Variants in SNTG1 observed in about 807,000 individuals in gnomAD.
SNTG1 encodes syntrophin gamma 1.
SNTG1 carries 39 observed loss-of-function variants against 74.7 expected under a neutral mutation model. That is an observed-to-expected ratio of 0.52 (90% confidence interval 0.40 to 0.68). The LOEUF (loss-of-function observed/expected upper bound fraction) is 0.68. Ranked by LOEUF, SNTG1 falls within the 30% of genes least tolerant of loss-of-function variation. SNTG1 has a pLI of 0.00. For synonymous variants in SNTG1, 254 were observed against 217.1 expected (o/e 1.17, Z -1.49); for missense variants, 685 against 609.5 (o/e 1.12, Z -1.30).
intron 9 of SNTG1, among the ~76,000 whole-genome samples, chr8:50,528,794 C>A: frequency 6.6e-6 from 1 of 150,914 alleles, no homozygotes; most frequent in Non-Finnish European, 1.5e-5. Flanking sequence ...TTTTCTGTCT[C>A]TTTTTTCTAA....
At chr8:50,508,531 C>T (rs2094031513) in intron 9 of SNTG1, among the ~76,000 whole-genome samples, 1 of 152,130 alleles carries the variant, frequency 6.6e-6, no homozygotes, top group Admixed American at 6.5e-5. Flanking sequence ...GTTTACAGTC[C>T]CACCAACGAT....
intron 11 of SNTG1, among the ~76,000 whole-genome samples, chr8:50,539,366 GGTGTATAT>G (rs1007236261): frequency 1.3e-5 from 2 of 152,046 alleles, no homozygotes; most frequent in Non-Finnish European, 2.9e-5. Context: ...GGACTGGGTG[GGTGTATAT>G]GTTAAGTTTC....
At chr8:50,365,782 G>A (rs1014724530) in intron 2 of SNTG1, among the ~76,000 whole-genome samples, 2 of 152,066 alleles carry the variant, frequency 1.3e-5, no homozygotes, top group Non-Finnish European at 2.9e-5. Flanking sequence ...CACAAATTAC[G>A]AGTGGTAAAG....
At chr8:50,552,872 G>T (rs943847077) in intron 11 of SNTG1, among the ~76,000 whole-genome samples, 178 bp from the exon 12 acceptor site, 4 of 152,132 alleles carry the variant, frequency 2.6e-5, no homozygotes, top group African/African-American at 9.7e-5. Flanking sequence ...TGTCATTTGG[G>T]TCTATCTTCA....
chr8:50,576,085 G>T (rs2094575170), intron 12 of SNTG1, among the ~76,000 whole-genome samples: 3 of 152,158 alleles, frequency 2.0e-5, no homozygotes, highest in African/African-American at 4.8e-5. Context: ...CTTCCAGGAT[G>T]CCAATTGCAT....
chr8:50,229,694 T>G (rs919296361), intron 2 of SNTG1, among the ~76,000 whole-genome samples: 3 of 151,436 alleles, frequency 2.0e-5, no homozygotes, highest in African/African-American at 4.8e-5. Context: ...AGGCAAAAAT[T>G]TCATTTAGTT....
At chr8:50,231,625 G>A (rs756430483) in intron 2 of SNTG1, among the ~76,000 whole-genome samples, 39 of 151,300 alleles carry the variant, frequency 2.6e-4, no homozygotes, top group Non-Finnish European at 1.9e-4. Context: ...CCAGAAACAA[G>A]AAAGACTGAT....
chr8:50,609,512 C>T (rs1313616782), intron 13 of SNTG1, among the ~76,000 whole-genome samples: 1 of 152,018 alleles, frequency 6.6e-6, no homozygotes, highest in Non-Finnish European at 1.5e-5. Context: ...CTGTACATCT[C>T]TTTGTGTTTA....
intron 1 of SNTG1, among the ~76,000 whole-genome samples, chr8:49,934,141 A>G (rs971752701): frequency 1.3e-5 from 2 of 152,054 alleles, no homozygotes; most frequent in Non-Finnish European, 2.9e-5. Context: ...ACATAAACCT[A>G]AATTTGACTG....
At chr8:50,404,190 A>T (rs2092841071) in intron 4 of SNTG1, among the ~76,000 whole-genome samples, 1 of 152,164 alleles carries the variant, frequency 6.6e-6, no homozygotes, top group Non-Finnish European at 1.5e-5. Flanking sequence ...AGTCAGAAAG[A>T]CAATACACTC....
intron 13 of SNTG1, among the ~76,000 whole-genome samples, chr8:50,594,127 G>T (rs1028159080): frequency 2.0e-5 from 3 of 152,160 alleles, no homozygotes; most frequent in African/African-American, 7.2e-5. Context: ...ACAAAACAGG[G>T]ATAACTGAAT....
chr8:50,592,813 C>T (rs1165455138), intron 13 of SNTG1, among the ~76,000 whole-genome samples: 1 of 151,982 alleles, frequency 6.6e-6, no homozygotes, highest in Non-Finnish European at 1.5e-5. Flanking sequence ...ACAAATTCAT[C>T]CTGATATTTA....
intron 2 of SNTG1, among the ~76,000 whole-genome samples, chr8:50,188,518 T>G (rs1804092577): frequency 6.6e-6 from 1 of 152,056 alleles, no homozygotes; most frequent in South Asian, 2.1e-4. Context: ...CCTCAGATAG[T>G]CATAGGGTAC....
intron 1 of SNTG1, among the ~76,000 whole-genome samples, chr8:49,952,283 A>G (rs1424534547): frequency 6.6e-6 from 1 of 152,174 alleles, no homozygotes; most frequent in African/African-American, 2.4e-5. Context: ...GAAGTGTTGT[A>G]AAGACTTTTT....
At chr8:50,081,460 T>G (rs965687686) in intron 1 of SNTG1, among the ~76,000 whole-genome samples, 16 of 152,186 alleles carry the variant, frequency 1.1e-4, no homozygotes, top group Admixed American at 9.8e-4. Flanking sequence ...AAATTTTCCA[T>G]AAAATTGAGA....
intron 1 of SNTG1, among the ~76,000 whole-genome samples, chr8:50,101,100 A>G (rs186208213): frequency 6.6e-6 from 1 of 152,264 alleles, no homozygotes; most frequent in East Asian, 1.9e-4. Flanking sequence ...GTTGCTGTGA[A>G]AAACATGATC....
intron 9 of SNTG1, 30 bp from the exon 10 acceptor site, chr8:50,530,147 A>G: frequency 6.3e-7 from 1 of 1,586,696 alleles, no homozygotes; most frequent in Non-Finnish European, 8.7e-7. Flanking sequence ...CATTCTCACC[A>G]GTGGAATGTT....
chr8:50,792,396 C>A (rs926913321), intron 18 of SNTG1, among the ~76,000 whole-genome samples: 2 of 151,690 alleles, frequency 1.3e-5, no homozygotes, highest in African/African-American at 4.8e-5. Flanking sequence ...AAAATTTTGG[C>A]AAAATATATT....
chr8:50,278,157 G>A (rs2130386504), intron 2 of SNTG1, among the ~76,000 whole-genome samples: 1 of 152,048 alleles, frequency 6.6e-6, no homozygotes, highest in East Asian at 1.9e-4. Flanking sequence ...TGGCCACAGA[G>A]TGAGACTCCA....
Sources: gnomAD v4.1 joint callset for allele counts (sites outside exome capture counted in the v4.1 genomes callset) on GRCh38, gnomAD v4.1.1 for gene constraint, MANE v1.5 for transcripts, NCBI Gene and HGNC (gene_info 2026-07-23, HGNC 2026-07-21) for gene names.